The following C6 variants were observed in gnomAD, a reference collection of about 807,000 sequenced individuals.
C6 encodes the protein complement C6.
A neutral mutation model predicts 112.9 loss-of-function variants in C6; 101 were observed. The ratio of observed to expected loss-of-function variants is 0.89; its 90% confidence interval spans 0.76 to 1.06. The LOEUF is 1.06. Ranked by LOEUF, C6 falls within the 50% of genes least tolerant of loss-of-function variation. The probability of loss-of-function intolerance (pLI) is 0.00; values close to 1 mark genes in which losing one functional copy is unlikely to be tolerated. For missense variants in C6, 1,202 were observed against 1,104.6 expected, an observed-to-expected ratio of 1.09 and a Z score of -1.25; for synonymous variants, 431 against 384.1, an observed-to-expected ratio of 1.12 and a Z score of -1.43.
chr5:41,229,818 G>A (rs1739774180), intron 1 of C6, among the ~76,000 whole-genome samples: 2 of 152,030 alleles, frequency 1.3e-5, no homozygotes, highest in South Asian at 4.1e-4. Flanking sequence ...TATTCTTTCA[G>A]TTCTGTTAAT....
At chr5:41,246,580 T>G (rs929961004) in intron 1 of C6, among the ~76,000 whole-genome samples, 2 of 152,208 alleles carry the variant, frequency 1.3e-5, no homozygotes, top group Non-Finnish European at 2.9e-5. Flanking sequence ...GGTGACTCAT[T>G]GGGCCAGGGT....
chr5:41,181,578 A>G lies in C6; in HGVS notation c.727-19T>C. 2 of 1,589,916 alleles carry G rather than the reference A, an allele frequency of 1.3e-6. No homozygotes were observed. Among genetic ancestry groups the G allele is most frequent in the Non-Finnish European group, 1.7e-6 (2 of 1,159,890 alleles). ...TTTGTACCTGGAGAAAAATCCATGTAAAATAAAATATAATTTAGGAAATAC... is the reference window on the plus strand; with the variant it reads ...TTTGTACCTGGAGAAAAATCCATGTGAAATAAAATATAATTTAGGAAATAC... On this transcript the variant is annotated intron_variant, in intron 6 of 17. Transcript: ENST00000337836.
intron 17 of C6, among the ~76,000 whole-genome samples, chr5:41,145,431 T>C (rs192902285): frequency 7.2e-5 from 11 of 152,306 alleles, no homozygotes; most frequent in African/African-American, 2.4e-4. Context: ...TTCTGAATTG[T>C]GCATGCAGGT....
At chr5:41,149,118 A>AT (rs933391512) in intron 17 of C6, 123 bp downstream of exon 17, 105 of 1,265,230 alleles carry the variant, frequency 8.3e-5, no homozygotes, top group East Asian at 5.4e-4. Flanking sequence ...CATTTTATGA[A>AT]TTTTTTTTAC....
intron 1 of C6, among the ~76,000 whole-genome samples, chr5:41,238,721 A>G (rs1015508198): frequency 1.7e-4 from 26 of 152,222 alleles, no homozygotes; most frequent in African/African-American, 5.8e-4. Context: ...TGTCATTGAA[A>G]GTAGAATTAG....
chr5:41,161,000 G>C (rs1236976511), intron 10 of C6, among the ~76,000 whole-genome samples: 1 of 152,002 alleles, frequency 6.6e-6, no homozygotes, highest in Non-Finnish European at 1.5e-5. Context: ...GGGGCAGCTG[G>C]GTCTCATTTT....
intron 1 of C6, among the ~76,000 whole-genome samples, chr5:41,210,247 C>T (rs1419820504): frequency 6.6e-6 from 1 of 152,128 alleles, no homozygotes; most frequent in Non-Finnish European, 1.5e-5. Flanking sequence ...AATGCTAGAC[C>T]TAAAACCATA....
chr5:41,172,989 T>C (rs2150303718), intron 8 of C6, among the ~76,000 whole-genome samples: 2 of 152,266 alleles, frequency 1.3e-5, no homozygotes, highest in South Asian at 4.1e-4. Flanking sequence ...AATTCTGACT[T>C]CCTGACCTAT....
upstream of C6, among the ~76,000 whole-genome samples, chr5:41,218,082 C>T (rs1334570161): frequency 6.6e-6 from 1 of 152,064 alleles, no homozygotes; most frequent in African/African-American, 2.4e-5. Context: ...TGATTATATA[C>T]CAGGCATTAT....
At chr5:41,242,412 C>G (rs1476348122) in intron 1 of C6, among the ~76,000 whole-genome samples, 1 of 152,150 alleles carries the variant, frequency 6.6e-6, no homozygotes, top group East Asian at 1.9e-4. Flanking sequence ...CTGAGGCCTC[C>G]CCAGCAATGT....
intron 5 of C6, 54 bp downstream of exon 5, chr5:41,195,738 A>T: frequency 6.4e-7 from 1 of 1,570,796 alleles, no homozygotes; most frequent in Non-Finnish European, 8.7e-7. Flanking sequence ...GCTCCCTCTG[A>T]CTCATTTGTT....
At chr5:41,157,348 A>G (rs1259897961) in intron 13 of C6, among the ~76,000 whole-genome samples, 1 of 152,220 alleles carries the variant, frequency 6.6e-6, no homozygotes, top group African/African-American at 2.4e-5. Flanking sequence ...CAAATAGATT[A>G]AAAGTTATTT....
chr5:41,235,180 C>T (rs1384790733), intron 1 of C6, among the ~76,000 whole-genome samples: 3 of 142,754 alleles, frequency 2.1e-5, no homozygotes, highest in Non-Finnish European at 4.6e-5. Flanking sequence ...CACCCACTAA[C>T]GTGTCATCTA....
intron 9 of C6, 143 bp downstream of exon 9, chr5:41,172,082 C>T: frequency 2.4e-6 from 2 of 844,836 alleles, no homozygotes; most frequent in South Asian, 1.4e-5. Flanking sequence ...ATTTGTATCC[C>T]CTATTCCAAC....
rs918435964 is a variant in C6, at chr5:41,203,227, C to T, written c.4G>A (p.Ala2Thr). The change falls in exon 2 of 18, where the codon GCC becomes ACC. Residue 2 changes from alanine (A) to threonine (T), a missense_variant. Physicochemically the swap from Ala to Thr is moderately conservative, Grantham distance 58. Transcript: ENST00000337836. ...ATGAAGTACAAGACAGAGCGTCTGG[C>T]CATGCCTTGAGAGCCTCCAGGCCCT... Reference protein sequence around the residue: MARRSVLYFILL... With the variant: MTRRSVLYFILL... 7 of 1,613,980 alleles carry T rather than the reference C, an allele frequency of 4.3e-6. No homozygotes were observed. In the African/African-American group the frequency reaches 6.7e-5, roughly 15 times the overall value.
intron 1 of C6, among the ~76,000 whole-genome samples, chr5:41,211,565 GGGAGCTGAGGCTCCCAAATAA>G (rs1751932443): frequency 6.6e-6 from 1 of 151,794 alleles, no homozygotes; most frequent in Non-Finnish European, 1.5e-5. Context: ...CCAAACATTT[GGGAGCTGAGGCTCCCAAATAA>G]TGTGAAGCTT....
chr5:41,199,974 GA>G, intron 3 of C6, 62 bp from the exon 4 acceptor site: 1 of 1,514,642 alleles, frequency 6.6e-7, no homozygotes, highest in East Asian at 2.3e-5. Context: ...ATGTACCTAA[GA>G]AAACTGGGCT....
intron 1 of C6, among the ~76,000 whole-genome samples, chr5:41,234,357 G>GTT (rs1214001006): frequency 4.0e-5 from 5 of 125,648 alleles, no homozygotes; most frequent in African/African-American, 1.8e-4. Flanking sequence ...TTTGTTTTTT[G>GTT]TTTTTTGTTT....
chr5:41,199,105 G>A (rs1328988969), intron 4 of C6, among the ~76,000 whole-genome samples: 1 of 152,160 alleles, frequency 6.6e-6, no homozygotes, highest in East Asian at 1.9e-4. Context: ...GGGAGTAAGA[G>A]GGGAAAACTT....
Sources: allele counts gnomAD v4.1 joint callset (sites outside exome capture counted in the v4.1 genomes callset), GRCh38; gene constraint gnomAD v4.1.1; transcripts MANE v1.5; gene names NCBI Gene and HGNC (gene_info 2026-07-23, HGNC 2026-07-21).